The following HELZ variants were observed in gnomAD, a reference collection of about 807,000 sequenced individuals.
HELZ encodes ATP-dependent RNA helicase with zinc finger domain.
A neutral mutation model predicts 218.2 loss-of-function variants in HELZ; 23 were observed. The observed-to-expected ratio is 0.11, with a 90% CI of 0.08 to 0.15. The LOEUF is 0.15. Ranked by LOEUF, HELZ falls within the 10% of genes least tolerant of loss-of-function variation. HELZ has a pLI of 1.00. For synonymous variants in HELZ, 814 were observed against 829.4 expected (o/e 0.98, Z 0.32); for missense variants, 1,813 against 2,353.7 (o/e 0.77, Z 4.75).
intron 5 of HELZ, among the ~76,000 whole-genome samples, chr17:67,207,279 G>A (rs2040330829): frequency 1.4e-5 from 2 of 144,780 alleles, no homozygotes; most frequent in Admixed American, 7.2e-5. Context: ...GGAGTGCAGT[G>A]GCATGATTAG....
chr17:67,109,121 GCCT>G lies in HELZ; in HGVS notation c.4481_4483del (p.Glu1494del). 3 of 1,601,780 alleles carry G rather than the reference GCCT, an allele frequency of 1.9e-6. No individual in the cohort carries two copies. Among genetic ancestry groups the G allele is most frequent in the Non-Finnish European group, 2.6e-6 (3 of 1,173,662 alleles). On this transcript the variant is annotated inframe_deletion, in exon 29 of 33. Coordinates refer to ENST00000358691, the MANE Select transcript of HELZ (RefSeq NM_014877.4). ...CTGGCAGTAATAGAACTTACCTAAA[GCCT>G]CCCCTATAGGTAATCCCGAGGGGTT... is the stretch of plus-strand genomic sequence containing the variant.
Position 67,182,469 on chromosome 17 carries a change from G to T in HELZ, c.1163-3543C>A, listed in dbSNP as rs567384275. Among the ~76,000 whole-genome samples the T allele has an allele frequency of 2.0e-5, 3 of 152,034 alleles. No individual in the cohort carries two copies. The South Asian group carries it at 6.3e-4, about 32-fold the overall frequency. The stretch of plus-strand genomic sequence containing the variant: ...CAAAAAAAACAGAAAGATGAGAAGT[G>T]AGCAGGTTAGGATCAATATTCATAA... On this transcript the variant is annotated intron_variant, in intron 12 of 32. Coordinates refer to ENST00000358691, the MANE Select transcript of HELZ (RefSeq NM_014877.4).
chr17:67,212,825 G>A (rs1306508722), intron 5 of HELZ, among the ~76,000 whole-genome samples: 2 of 151,942 alleles, frequency 1.3e-5, no homozygotes, highest in East Asian at 1.9e-4. Context: ...CTCTCTTTTG[G>A]ATTACTGACT....
At position 67,190,767 on chromosome 17, in the gene HELZ, G is replaced by A. The variant is rs566460933; in HGVS notation, c.558-412C>T. 2.0e-5 allele frequency among the ~76,000 whole-genome samples: 3 copies of A among 152,312 alleles called. No homozygotes were observed. The South Asian group carries it at 6.2e-4, about 32-fold the overall frequency. On this transcript the variant is annotated intron_variant, in intron 9 of 32. Transcript: ENST00000358691. ...ACTCCGTTGCCCAGGCTGGAGTGCAGTGGCGTAATCTCGACTCACTGCAAC... is the reference window on the plus strand; with the variant it reads ...ACTCCGTTGCCCAGGCTGGAGTGCAATGGCGTAATCTCGACTCACTGCAAC...
At chr17:67,144,647 A>C (rs1187674357) in intron 21 of HELZ, among the ~76,000 whole-genome samples, 2 of 151,966 alleles carry the variant, frequency 1.3e-5, no homozygotes, top group Non-Finnish European at 2.9e-5. Flanking sequence ...ATCCCGCCTC[A>C]GGATCAAGGA....
At chr17:67,119,238 A>G (rs1438305467) in intron 27 of HELZ, among the ~76,000 whole-genome samples, 1 of 152,238 alleles carries the variant, frequency 6.6e-6, no homozygotes, top group Admixed American at 6.5e-5. Flanking sequence ...AAAATTAGAT[A>G]CAACTAATAG....
intron 23 of HELZ, 60 bp downstream of exon 23, chr17:67,135,910 A>G (rs2038135070): frequency 7.5e-7 from 1 of 1,326,302 alleles, no homozygotes. Context: ...AAATATACAC[A>G]TAGGGATACA....
chr17:67,104,736 A>G (rs1320418981), intron 31 of HELZ, among the ~76,000 whole-genome samples: 1 of 152,232 alleles, frequency 6.6e-6, no homozygotes. Flanking sequence ...GCTGAAGCAT[A>G]TGAATAGACA....
rs552596911 is a variant in HELZ at position 67,238,647 on chromosome 17, T to C, written c.-19+786A>G. 2.6e-5 allele frequency among the ~76,000 whole-genome samples: 4 copies of C among 151,834 alleles called. No individual in the cohort carries two copies. In the South Asian group the frequency reaches 8.3e-4, roughly 32 times the overall value. On this transcript the variant is annotated intron_variant, in intron 3 of 32. Transcript: ENST00000358691. Reference sequence around the variant, plus strand: ...CAGTGAGCCGAGATCGTGCCATTCATTGCACTCCAGCCTAGGTGACAAAAG... The same window carrying C: ...CAGTGAGCCGAGATCGTGCCATTCACTGCACTCCAGCCTAGGTGACAAAAG...
chr17:67,203,075 T>A (rs1375161369), intron 6 of HELZ, among the ~76,000 whole-genome samples: 1 of 151,674 alleles, frequency 6.6e-6, no homozygotes, highest in Non-Finnish European at 1.5e-5. Context: ...TGTGCAGTGA[T>A]CACACCACTT....
rs371687213 is a variant in HELZ, at chr17:67,109,618, G to A, written c.3987C>T (p.Thr1329=). The part of the protein sequence containing the change: ...ESRPSVVYPS[T]KFPRKDNLNP... ...TGAGATTATCTTTGCGAGGAAATTT[G>A]GTACTGGGATAAACAACACTAGGAC... The change falls in exon 29 of 33, where the codon ACC becomes ACT. Residue 1329 remains threonine, a synonymous_variant. Coordinates refer to ENST00000358691, the MANE Select transcript of HELZ (RefSeq NM_014877.4). The A allele has an allele frequency of 1.9e-6, 3 of 1,613,930 alleles. No homozygotes were observed. The highest frequency in any genetic ancestry group is 1.1e-5 in the South Asian group (1 of 91,082).
chr17:67,121,956 C>T (rs567560409), intron 26 of HELZ, among the ~76,000 whole-genome samples: 20 of 152,140 alleles, frequency 1.3e-4, no homozygotes, highest in Non-Finnish European at 2.8e-4. Flanking sequence ...CATCACTTTA[C>T]AAAATGAGAC....
At position 67,190,253 on chromosome 17, in the gene HELZ, T is replaced by C. The variant is rs748394680; in HGVS notation, c.660A>G (p.Ile220Met). 1.9e-6 allele frequency: 3 copies of C among 1,614,054 alleles called. No individual in the cohort carries two copies. The highest frequency in any genetic ancestry group is 4.5e-5 in the East Asian group (2 of 44,876). Residue 220 changes from isoleucine (I) to methionine (M), a missense_variant, in exon 10 of 33, where the codon ATA becomes ATG. Physicochemically the swap from Ile to Met is conservative, Grantham distance 10 (BLOSUM62 1). This residue lies in a region of HELZ where 714 missense variants were observed against 1,029.2 expected (regional missense o/e 0.69). Transcript: ENST00000358691. ...EWQKRYASRL[I>M]KLKQQNENKQ... The stretch of plus-strand genomic sequence containing the variant: ...TATTCTCATTTTGCTGTTTCAATTT[T>C]ATCAGCCGTGAAGCATATCTTTTCT...
chr17:67,104,743 G>A (rs1208562554), intron 31 of HELZ, among the ~76,000 whole-genome samples: 1 of 152,030 alleles, frequency 6.6e-6, no homozygotes, highest in Non-Finnish European at 1.5e-5. Context: ...CATATGAATA[G>A]ACATTTCTCC....
At chr17:67,085,645 GA>G (rs2036346737) in intron 32 of HELZ, among the ~76,000 whole-genome samples, 1 of 151,850 alleles carries the variant, frequency 6.6e-6, no homozygotes, top group Non-Finnish European at 1.5e-5. Flanking sequence ...AGAAACAACA[GA>G]TTCACATTCT....
intron 26 of HELZ, among the ~76,000 whole-genome samples, chr17:67,121,579 C>A (rs1471878194): frequency 1.3e-5 from 2 of 152,144 alleles, no homozygotes; most frequent in Non-Finnish European, 2.9e-5. Flanking sequence ...GGAGTGTGGG[C>A]AAGGTTGCCA....
intron 14 of HELZ, 130 bp from the exon 15 acceptor site, chr17:67,166,738 G>A (rs1485983036): frequency 1.5e-6 from 1 of 681,766 alleles, no homozygotes; most frequent in African/African-American, 1.8e-5. Context: ...TATAATCATA[G>A]TCTAATCATA....
chr17:67,134,711 AAT>A (rs1188087579), intron 23 of HELZ, among the ~76,000 whole-genome samples: 2 of 152,084 alleles, frequency 1.3e-5, no homozygotes, highest in Non-Finnish European at 2.9e-5. Flanking sequence ...AGAACACAAA[AAT>A]AGATAATAAA....
intron 27 of HELZ, among the ~76,000 whole-genome samples, chr17:67,116,382 G>A (rs935044018): frequency 3.3e-5 from 5 of 152,042 alleles, no homozygotes; most frequent in Non-Finnish European, 7.4e-5. Context: ...GGCAGAGACT[G>A]TCACATTAGA....
Sources: gnomAD v4.1 joint callset for allele counts (sites outside exome capture counted in the v4.1 genomes callset) on GRCh38, gnomAD v4.1.1 for gene constraint, gnomAD v4.1.1 regional missense constraint, MANE v1.5 for transcripts, NCBI Gene and HGNC (gene_info 2026-07-23, HGNC 2026-07-21) for gene names.